SOX4: variants seen among roughly 807,000 people sequenced by gnomAD.
SOX4 encodes SRY-box transcription factor 4.
For missense variants in SOX4, 662 were observed against 694.9 expected, an observed-to-expected ratio of 0.95 and a Z score of 0.53; for synonymous variants, 465 against 348.4, an observed-to-expected ratio of 1.33 and a Z score of -3.73.
chr6:21,596,775 A>AAG lies in SOX4; in HGVS notation c.*817_*818dup, dbSNP rs1763174020. On this transcript the variant is annotated 3_prime_UTR_variant, in exon 1 of 1. Transcript: ENST00000244745. ...GGGGGCGGAGGAGGACACGAACTGG[A>AAG]AGGGGGTTCACGGTCAAACTGAAAT... The AAG allele has an allele frequency of 6.0e-6, 1 of 167,002 alleles. No individual in the cohort carries two copies. Among genetic ancestry groups the AAG allele is most frequent in the Non-Finnish European group, 1.5e-5 (1 of 68,150 alleles). 10.3% of individuals were successfully genotyped at this position (167,002 alleles called of 1,614,324 possible). A position where few individuals can be genotyped will look rare whatever the true frequency, so the allele number is the denominator to read the frequency against.
rs963298340 is a variant in SOX4 at position 21,594,461 on chromosome 6, C to T, written c.-74C>T. The T allele has an allele frequency of 2.2e-6, 3 of 1,344,544 alleles. No homozygotes were observed. Among genetic ancestry groups the T allele is most frequent in the South Asian group, 1.9e-5 (1 of 51,888 alleles). 83.3% of individuals were successfully genotyped at this position (1,344,544 alleles called of 1,614,324 possible). A position where few individuals can be genotyped will look rare whatever the true frequency, so the allele number is the denominator to read the frequency against. ...TCGGCGTGTGCTTGGCCCGGGGAACCGGGAGGGCCCGGCGATCGCGCGGCG... is the reference window on the plus strand; with the variant it reads ...TCGGCGTGTGCTTGGCCCGGGGAACTGGGAGGGCCCGGCGATCGCGCGGCG... On this transcript the variant is annotated 5_prime_UTR_variant, in exon 1 of 1. Coordinates refer to ENST00000244745, the MANE Select transcript of SOX4 (RefSeq NM_003107.3).
In SOX4 at chr6:21,595,392, G is replaced by C. The variant is rs754222510; in HGVS notation, c.858G>C (p.Lys286Asn). 1 of 1,537,858 alleles carries C rather than the reference G, an allele frequency of 6.5e-7. No individual in the cohort carries two copies. The highest frequency in any genetic ancestry group is 8.7e-7 in the Non-Finnish European group (1 of 1,151,310). The change falls in exon 1 of 1, where the codon AAG (lysine) becomes AAC (asparagine). Residue 286 changes from lysine to asparagine, a missense_variant. Transcript: ENST00000244745. ...SASAALAAPGKHLAEKKVKRV... is the reference protein window; with the variant it reads ...SASAALAAPGNHLAEKKVKRV... ...CCGCAGCGCTCGCGGCCCCGGGCAAGCACCTGGCGGAGAAGAAGGTGAAGC... is the reference window on the plus strand; with the variant it reads ...CCGCAGCGCTCGCGGCCCCGGGCAACCACCTGGCGGAGAAGAAGGTGAAGC...
Position 21,596,118 on chromosome 6 carries a change from ATC to A in SOX4, c.*160_*161del, listed in dbSNP as rs113534734. ...GCTTCGCCCGCGTTCTCGTCGTCGG[ATC>A]AAGGAGCGCGGCGGCGTTTTGGACC... On this transcript the variant is annotated 3_prime_UTR_variant, in exon 1 of 1. Coordinates refer to ENST00000244745, the MANE Select transcript of SOX4 (RefSeq NM_003107.3). The A allele has an allele frequency of 0.019, 23,400 of 1,260,262 alleles. 1,159 individuals are homozygous for A. Among genetic ancestry groups the A allele is most frequent in the African/African-American group, 0.18 (11,521 of 64,414 alleles). The allele number at this position is 1,260,262 out of a possible 1,614,324, so 78.1% of individuals were successfully genotyped here. A position where few individuals can be genotyped will look rare whatever the true frequency, so the allele number is the denominator to read the frequency against.
At position 21,595,426 on chromosome 6, in the gene SOX4, C is replaced by G; in HGVS notation, c.892C>G (p.Leu298Val). The G allele has an allele frequency of 2.6e-6, 4 of 1,524,576 alleles. No individual in the cohort carries two copies. Among genetic ancestry groups the G allele is most frequent in the Non-Finnish European group, 3.5e-6 (4 of 1,143,876 alleles). The allele number at this position is 1,524,576 out of a possible 1,614,324, so 94.4% of individuals were successfully genotyped here. ...GGAGAAGAAGGTGAAGCGCGTCTACCTGTTCGGCGGCCTGGGCACGTCGTC... is the reference window on the plus strand; with the variant it reads ...GGAGAAGAAGGTGAAGCGCGTCTACGTGTTCGGCGGCCTGGGCACGTCGTC... ...LAEKKVKRVY[L>V]FGGLGTSSSP... The change falls in exon 1 of 1, where the codon CTG becomes GTG. Residue 298 changes from leucine to valine, a missense_variant. Physicochemically the swap from Leu to Val is conservative, Grantham distance 32. Transcript: ENST00000244745.
At position 21,593,781 on chromosome 6, in the gene SOX4, T is replaced by C. The variant is rs1386354361; in HGVS notation, c.-754T>C. ...AAGCTGCAGCAAGAGAAACTGTGTG[T>C]GAGGGGAAGAGGCCTGTTTCGCTGT... On this transcript the variant is annotated 5_prime_UTR_variant, in exon 1 of 1. Transcript: ENST00000244745. 6.6e-6 allele frequency: 1 copy of C among 152,116 alleles called. No homozygotes were observed. Among genetic ancestry groups the C allele is most frequent in the Non-Finnish European group, 1.5e-5 (1 of 68,084 alleles). 9.4% of individuals were successfully genotyped at this position (152,116 alleles called of 1,614,324 possible). A position where few individuals can be genotyped will look rare whatever the true frequency, so the allele number is the denominator to read the frequency against.
rs1452057319 is a variant in SOX4, at chr6:21,596,081, T to C, written c.*122T>C. 7.4e-7 allele frequency: 1 copy of C among 1,355,146 alleles called. No individual in the cohort carries two copies. Among genetic ancestry groups the C allele is most frequent in the African/African-American group, 1.5e-5 (1 of 65,060 alleles). The allele number at this position is 1,355,146 out of a possible 1,614,324, so 83.9% of individuals were successfully genotyped here. A position where few individuals can be genotyped will look rare whatever the true frequency, so the allele number is the denominator to read the frequency against. ...GAAAAGGGAAAAAAGAAAGAAAAAG[T>C]AAGCAGGGCTGGCTTCGCCCGCGTT... On this transcript the variant is annotated 3_prime_UTR_variant, in exon 1 of 1. Coordinates refer to ENST00000244745, the MANE Select transcript of SOX4 (RefSeq NM_003107.3).
Position 21,595,515 on chromosome 6 carries a change from G to A in SOX4, c.981G>A (p.Glu327=), listed in dbSNP as rs1241776265. 9.4e-6 allele frequency: 12 copies of A among 1,273,460 alleles called. No individual in the cohort carries two copies. The highest frequency in any genetic ancestry group is 3.1e-5 in the East Asian group (1 of 31,758). The allele number at this position is 1,273,460 out of a possible 1,614,324, so 78.9% of individuals were successfully genotyped here. A position where few individuals can be genotyped will look rare whatever the true frequency, so the allele number is the denominator to read the frequency against. The change falls in exon 1 of 1, where the codon GAG becomes GAA. Residue 327 remains glutamate (E), a synonymous_variant. Transcript: ENST00000244745. The part of the protein sequence containing the change: ...DPSDPLGLYE[E]EGAGCSPDAP... ...GCGACCCCCTGGGCCTGTACGAGGA[G>A]GAGGGCGCGGGCTGCTCGCCCGACG...
chr6:21,594,609 C>T lies in SOX4; in HGVS notation c.75C>T (p.Gly25=), dbSNP rs1341656642. 1 of 1,608,672 alleles carries T rather than the reference C, an allele frequency of 6.2e-7. No individual in the cohort carries two copies. Among genetic ancestry groups the T allele is most frequent in the Non-Finnish European group, 8.5e-7 (1 of 1,178,596 alleles). Residue 25 remains glycine (G), a synonymous_variant, in exon 1 of 1, where the codon GGC becomes GGT. Transcript: ENST00000244745. The part of the protein sequence containing the change: ...LAGESSDSGA[G]LELGIASSPT... ...GCGAGAGCTCGGACTCGGGCGCCGG[C>T]CTCGAGCTGGGAATCGCCTCCTCCC... is the stretch of plus-strand genomic sequence containing the variant.
At position 21,595,805 on chromosome 6, in the gene SOX4, C is replaced by G; in HGVS notation, c.1271C>G (p.Ser424Trp). The G allele has an allele frequency of 6.2e-7, 1 of 1,613,502 alleles. No individual in the cohort carries two copies. The highest frequency in any genetic ancestry group is 8.5e-7 in the Non-Finnish European group (1 of 1,179,956). ...FESMSLGSFS[S>W]SSALDRDLDF... ...AGCATGTCCCTGGGCAGCTTCAGTT[C>G]GTCGTCGGCGCTCGACCGGGACCTG... Residue 424 changes from serine (S) to tryptophan (W), a missense_variant, in exon 1 of 1, where the codon TCG becomes TGG. Ser to Trp is a radical substitution (Grantham distance 177, BLOSUM62 -3). Transcript: ENST00000244745.
chr6:21,594,540 G>C lies in SOX4; in HGVS notation c.6G>C (p.Val2=). M[V]QQTNNAENTE... is the part of the protein sequence containing the mutation. Reference sequence around the variant, plus strand: ...GCGCCCGCCGAGCCGAGGCCATGGTGCAGCAAACCAACAATGCCGAGAACA... The same window carrying C: ...GCGCCCGCCGAGCCGAGGCCATGGTCCAGCAAACCAACAATGCCGAGAACA... Residue 2 remains valine (V), a synonymous_variant, in exon 1 of 1, where the codon GTG becomes GTC. Coordinates refer to ENST00000244745, the MANE Select transcript of SOX4 (RefSeq NM_003107.3). 2 of 1,593,818 alleles carry C rather than the reference G, an allele frequency of 1.3e-6. No homozygotes were observed. The highest frequency in any genetic ancestry group is 1.7e-6 in the Non-Finnish European group (2 of 1,173,592).
At position 21,596,787 on chromosome 6, in the gene SOX4, G is replaced by C. The variant is rs948551941; in HGVS notation, c.*828G>C. On this transcript the variant is annotated 3_prime_UTR_variant, in exon 1 of 1. Transcript: ENST00000244745. ...GGACACGAACTGGAAGGGGGTTCAC[G>C]GTCAAACTGAAATGGATTTGCACGT... 3 of 166,860 alleles carry C rather than the reference G, an allele frequency of 1.8e-5. No homozygotes were observed. The highest frequency in any genetic ancestry group is 7.3e-5 in the African/African-American group (3 of 41,336). The allele number at this position is 166,860 out of a possible 1,614,324, so 10.3% of individuals were successfully genotyped here.
chr6:21,596,999 AAAGAT>A lies in SOX4; in HGVS notation c.*1041_*1045del, dbSNP rs1012061187. On this transcript the variant is annotated 3_prime_UTR_variant, in exon 1 of 1. Coordinates refer to ENST00000244745, the MANE Select transcript of SOX4 (RefSeq NM_003107.3). ...AAAAAAAGAAAAAAAAAGAAAAAAA[AAAGAT>A]TTTTTTCTTCTCTTAATCGGAATCG... The A allele has an allele frequency of 5.4e-5, 9 of 166,804 alleles. No individual in the cohort carries two copies. The highest frequency in any genetic ancestry group is 2.2e-4 in the African/African-American group (9 of 41,490). The allele number at this position is 166,804 out of a possible 1,614,324, so 10.3% of individuals were successfully genotyped here. A position where few individuals can be genotyped will look rare whatever the true frequency, so the allele number is the denominator to read the frequency against.
chr6:21,595,444 A>ACGT lies in SOX4; in HGVS notation c.919_921dup (p.Ser307dup). The ACGT allele has an allele frequency of 3.3e-6, 5 of 1,508,950 alleles. No homozygotes were observed. In the South Asian group the frequency reaches 6.1e-5, roughly 18 times the overall value. The allele number at this position is 1,508,950 out of a possible 1,614,324, so 93.5% of individuals were successfully genotyped here. Reference sequence around the variant, plus strand: ...CGTCTACCTGTTCGGCGGCCTGGGCACGTCGTCGTCGCCCGTGGGCGGCGT... The same window carrying ACGT: ...CGTCTACCTGTTCGGCGGCCTGGGCACGTCGTCGTCGTCGCCCGTGGGCGGCGT... On this transcript the variant is annotated inframe_insertion, in exon 1 of 1. Transcript: ENST00000244745.
Position 21,595,300 on chromosome 6 carries a change from C to T in SOX4, c.766C>T (p.His256Tyr). The T allele has an allele frequency of 6.9e-7, 1 of 1,440,390 alleles. No individual in the cohort carries two copies. The allele number at this position is 1,440,390 out of a possible 1,614,324, so 89.2% of individuals were successfully genotyped here. A position where few individuals can be genotyped will look rare whatever the true frequency, so the allele number is the denominator to read the frequency against. Residue 256 changes from histidine (H) to tyrosine (Y), a missense_variant, in exon 1 of 1, where the codon CAC becomes TAC. Transcript: ENST00000244745. ...ALLPLGAAAD[H>Y]HSLYKARTPS... ...GCTGCCCCTGGGCGCCGCCGCCGAC[C>T]ACCACTCGCTGTACAAGGCGCGGAC...
In SOX4 at chr6:21,598,358, C is replaced by T. The variant is rs1347425361; in HGVS notation, c.*2399C>T. 1 of 167,082 alleles carries T rather than the reference C, an allele frequency of 6.0e-6. No individual in the cohort carries two copies. The highest frequency in any genetic ancestry group is 6.5e-5 in the Admixed American group (1 of 15,290). The allele number at this position is 167,082 out of a possible 1,614,324, so 10.3% of individuals were successfully genotyped here. ...TATGTTTAATATAACATGACAGGCA[C>T]TAGGACGTCTGCCTTTTTAAGGCAG... On this transcript the variant is annotated 3_prime_UTR_variant, in exon 1 of 1. Transcript: ENST00000244745.
In SOX4 at chr6:21,596,066, A is replaced by C. The variant is rs1460578738; in HGVS notation, c.*107A>C. 1.5e-5 allele frequency: 20 copies of C among 1,361,848 alleles called. No individual in the cohort carries two copies. Among genetic ancestry groups the C allele is most frequent in the Non-Finnish European group, 1.9e-5 (20 of 1,053,038 alleles). The allele number at this position is 1,361,848 out of a possible 1,614,324, so 84.4% of individuals were successfully genotyped here. A position where few individuals can be genotyped will look rare whatever the true frequency, so the allele number is the denominator to read the frequency against. The stretch of plus-strand genomic sequence containing the variant: ...CGAAGAGTTTAAAGAGAAAAGGGAA[A>C]AAAGAAAGAAAAAGTAAGCAGGGCT... On this transcript the variant is annotated 3_prime_UTR_variant, in exon 1 of 1. Transcript: ENST00000244745.
rs1166405097 is a variant in SOX4 at position 21,596,103 on chromosome 6, C to T, written c.*144C>T. ...AAGTAAGCAGGGCTGGCTTCGCCCG[C>T]GTTCTCGTCGTCGGATCAAGGAGCG... On this transcript the variant is annotated 3_prime_UTR_variant, in exon 1 of 1. Transcript: ENST00000244745. 17 of 1,298,104 alleles carry T rather than the reference C, an allele frequency of 1.3e-5. No individual in the cohort carries two copies. The East Asian group carries it at 4.8e-4, about 37-fold the overall frequency. 80.4% of individuals were successfully genotyped at this position (1,298,104 alleles called of 1,614,324 possible). A position where few individuals can be genotyped will look rare whatever the true frequency, so the allele number is the denominator to read the frequency against.
Position 21,597,614 on chromosome 6 carries a change from A to G in SOX4, c.*1655A>G, listed in dbSNP as rs1241614741. The G allele has an allele frequency of 8.4e-6, 1 of 119,144 alleles. No individual in the cohort carries two copies. Among genetic ancestry groups the G allele is most frequent in the Non-Finnish European group, 1.9e-5 (1 of 51,500 alleles). The allele number at this position is 119,144 out of a possible 1,614,324, so 7.4% of individuals were successfully genotyped here. A position where few individuals can be genotyped will look rare whatever the true frequency, so the allele number is the denominator to read the frequency against. On this transcript the variant is annotated 3_prime_UTR_variant, in exon 1 of 1. Transcript: ENST00000244745. Reference sequence around the variant, plus strand: ...CTAGAGTTTTAACTTTTAATTTTTTATATTTAAATGTAGACTTTTGACACT... The same window carrying G: ...CTAGAGTTTTAACTTTTAATTTTTTGTATTTAAATGTAGACTTTTGACACT...
At position 21,595,232 on chromosome 6, in the gene SOX4, C is replaced by T; in HGVS notation, c.698C>T (p.Ala233Val). The T allele has an allele frequency of 8.0e-7, 1 of 1,245,884 alleles. No homozygotes were observed. Among genetic ancestry groups the T allele is most frequent in the Non-Finnish European group, 1.0e-6 (1 of 999,776 alleles). 77.2% of individuals were successfully genotyped at this position (1,245,884 alleles called of 1,614,324 possible). ...GGGGGKAAAA[A>V]AASFAAEQAG... ...GGCGGCGGGAAAGCAGCGGCTGCCG[C>T]CGCCGCCTCCTTCGCCGCCGAACAG... Residue 233 changes from alanine (A) to valine (V), a missense_variant, in exon 1 of 1, where the codon GCC becomes GTC. Ala to Val is a moderately conservative substitution (Grantham distance 64). Transcript: ENST00000244745.
Sources: allele counts gnomAD v4.1 joint callset, GRCh38; gene constraint gnomAD v4.1.1; transcripts MANE v1.5; gene names NCBI Gene and HGNC (gene_info 2026-07-23, HGNC 2026-07-21).